Variants in CDK14 observed in about 807,000 individuals in gnomAD.
The protein encoded by CDK14 is cyclin dependent kinase 14, also known as cyclin-dependent kinase 14.
In CDK14, 34 loss-of-function variants were observed where a neutral mutation model predicts 60.7. The observed-to-expected ratio is 0.56, with a 90% CI of 0.43 to 0.75. The LOEUF (loss-of-function observed/expected upper bound fraction) is 0.75, where lower values mean the gene tolerates loss of function less well. Among genes scored for constraint, CDK14 ranks in the 30% least tolerant of loss-of-function variants. The pLI, the probability that CDK14 is intolerant of heterozygous loss-of-function variation, is 0.00. For missense variants in CDK14, 482 were observed against 564.1 expected, an observed-to-expected ratio of 0.85 and a Z score of 1.47; for synonymous variants, 197 against 203.7, an observed-to-expected ratio of 0.97 and a Z score of 0.28.
At chr7:90,739,751 G>C (rs1165406025) in intron 3 of CDK14, among the ~76,000 whole-genome samples, 2 of 152,152 alleles carry the variant, frequency 1.3e-5, no homozygotes, top group Non-Finnish European at 1.5e-5. Flanking sequence ...CAAACACACA[G>C]ACCTCTCATT....
intron 2 of CDK14, among the ~76,000 whole-genome samples, chr7:90,673,179 G>A (rs1345698026): frequency 6.6e-6 from 1 of 152,276 alleles, no homozygotes; most frequent in East Asian, 1.9e-4. Flanking sequence ...ATGCCTAAGG[G>A]ATAGGACTTC....
At chr7:90,922,422 GT>G (rs979367456) in intron 8 of CDK14, among the ~76,000 whole-genome samples, 45 of 148,744 alleles carry the variant, frequency 3.0e-4, no homozygotes, top group Admixed American at 9.4e-4. Context: ...CAAAGAAAGG[GT>G]TTTTTTTTTC....
chr7:91,159,776 G>A lies in CDK14; in HGVS notation c.*28+41568G>A, dbSNP rs1363352124. Among the ~76,000 whole-genome samples, 3 of 152,194 alleles carry A rather than the reference G, an allele frequency of 2.0e-5. No individual in the cohort carries two copies. In the East Asian group the frequency reaches 5.8e-4, roughly 29 times the overall value. ...GACCAAAACTGAGGTTACCAGCCCAGGACAGGAGGTTCCCAATGCGACTTG... is the reference window on the plus strand; with the variant it reads ...GACCAAAACTGAGGTTACCAGCCCAAGACAGGAGGTTCCCAATGCGACTTG... On this transcript the variant is annotated intron_variant, in intron 14 of 14. Transcript: ENST00000380050.
intron 11 of CDK14, among the ~76,000 whole-genome samples, chr7:91,076,371 A>G (rs1250470704): frequency 6.6e-6 from 1 of 151,902 alleles, no homozygotes; most frequent in Non-Finnish European, 1.5e-5. Context: ...CTGATCTTCG[A>G]CAAACCTGAC....
At chr7:91,088,990 G>A (rs577781863) in intron 12 of CDK14, among the ~76,000 whole-genome samples, 2 of 152,088 alleles carry the variant, frequency 1.3e-5, no homozygotes, top group South Asian at 2.1e-4. Context: ...CAAAAGAATC[G>A]ATTTGAAGTA....
chr7:91,062,690 C>T (rs550242766), intron 11 of CDK14, among the ~76,000 whole-genome samples: 1 of 152,238 alleles, frequency 6.6e-6, no homozygotes, highest in African/African-American at 2.4e-5. Context: ...GGTCCTCTCA[C>T]TAGGGAAGGT....
At chr7:90,752,825 C>T (rs1441099495) in intron 4 of CDK14, among the ~76,000 whole-genome samples, 3 of 151,942 alleles carry the variant, frequency 2.0e-5, no homozygotes, top group African/African-American at 7.3e-5. Context: ...ACAGCTGATC[C>T]CATGGAGATA....
chr7:90,644,944 C>T (rs892386609), intron 2 of CDK14, among the ~76,000 whole-genome samples: 1 of 152,186 alleles, frequency 6.6e-6, no homozygotes, highest in East Asian at 1.9e-4. Context: ...TTAGACAAAA[C>T]CTTAAGGTAG....
At position 90,726,660 on chromosome 7, in the gene CDK14, G is replaced by A. The variant is rs879151175; in HGVS notation, c.217G>A (p.Val73Ile). Residue 73 changes from valine (V) to isoleucine (I), a missense_variant, in exon 3 of 15, where the codon GTT becomes ATT. Physicochemically the swap from Val to Ile is conservative, Grantham distance 29 (BLOSUM62 3). Coordinates refer to ENST00000380050, the MANE Select transcript of CDK14 (RefSeq NM_001287135.2). Reference sequence around the variant, plus strand: ...AATTCCTGAGGATAAAAAAGTCAGAGTTCAGAGGACACAGAGCACTTTTGA... The same window carrying A: ...AATTCCTGAGGATAAAAAAGTCAGAATTCAGAGGACACAGAGCACTTTTGA... ...DTIPEDKKVR[V>I]QRTQSTFDPF... is the part of the protein sequence containing the mutation. 2 of 1,613,852 alleles carry A rather than the reference G, an allele frequency of 1.2e-6. No individual in the cohort carries two copies. The highest frequency in any genetic ancestry group is 1.7e-6 in the Non-Finnish European group (2 of 1,179,820).
At chr7:90,663,788 T>A (rs914153112) in intron 2 of CDK14, among the ~76,000 whole-genome samples, 1 of 152,200 alleles carries the variant, frequency 6.6e-6, no homozygotes, top group Non-Finnish European at 1.5e-5. Flanking sequence ...AAATACTGAG[T>A]TTTCAGTGAA....
At chr7:90,664,872 T>C (rs1319851178) in intron 2 of CDK14, among the ~76,000 whole-genome samples, 1 of 152,046 alleles carries the variant, frequency 6.6e-6, no homozygotes, top group African/African-American at 2.4e-5. Context: ...CACACCAACA[T>C]GGCACGTGTA....
At chr7:90,973,004 T>G (rs1410719724) in intron 9 of CDK14, among the ~76,000 whole-genome samples, 2 of 152,186 alleles carry the variant, frequency 1.3e-5, no homozygotes, top group African/African-American at 4.8e-5. Context: ...CTTCAAGTAC[T>G]TTTTTTGGAA....
intron 12 of CDK14, among the ~76,000 whole-genome samples, chr7:91,083,103 C>G (rs917876022): frequency 1.3e-5 from 2 of 151,952 alleles, no homozygotes; most frequent in Non-Finnish European, 2.9e-5. Context: ...TCCCCACTTT[C>G]ACTTTTTTTT....
At chr7:91,157,340 T>C (rs1801014436) in intron 14 of CDK14, among the ~76,000 whole-genome samples, 1 of 152,214 alleles carries the variant, frequency 6.6e-6, no homozygotes, top group African/African-American at 2.4e-5. Flanking sequence ...CAGATTCATG[T>C]AGACCTGGGT....
At chr7:90,822,782 G>A (rs776184071) in intron 5 of CDK14, among the ~76,000 whole-genome samples, 6 of 152,176 alleles carry the variant, frequency 3.9e-5, no homozygotes, top group Non-Finnish European at 7.3e-5. Flanking sequence ...CTAATATCTG[G>A]TGTTGTAATC....
chr7:90,980,308 C>G lies in CDK14; in HGVS notation c.948-3840C>G, dbSNP rs114596870. Among the ~76,000 whole-genome samples, 793 of 152,124 alleles carry G rather than the reference C, an allele frequency of 5.2e-3. 10 individuals are homozygous for G. The highest frequency in any genetic ancestry group is 0.018 in the African/African-American group (761 of 41,524). On this transcript the variant is annotated intron_variant, in intron 9 of 14. Coordinates refer to ENST00000380050, the MANE Select transcript of CDK14 (RefSeq NM_001287135.2). Reference sequence around the variant, plus strand: ...AGTTCTTATTCTTGAAAAATTTAGACTAAGTGGGTGATAATTACATAATTA... The same window carrying G: ...AGTTCTTATTCTTGAAAAATTTAGAGTAAGTGGGTGATAATTACATAATTA...
chr7:90,675,842 T>C (rs1464573913), intron 2 of CDK14, among the ~76,000 whole-genome samples: 1 of 152,216 alleles, frequency 6.6e-6, no homozygotes, highest in Non-Finnish European at 1.5e-5. Context: ...TTTTGCTTAC[T>C]TTTACAAGTT....
intron 2 of CDK14, among the ~76,000 whole-genome samples, chr7:90,612,280 C>CA (rs1189188300): frequency 6.6e-6 from 1 of 152,176 alleles, no homozygotes; most frequent in Admixed American, 6.5e-5. Context: ...TCAGCCTTCC[C>CA]AAAACATCTT....
intron 14 of CDK14, among the ~76,000 whole-genome samples, chr7:91,198,354 G>C (rs1802617124): frequency 2.0e-5 from 3 of 152,182 alleles, no homozygotes; most frequent in Non-Finnish European, 4.4e-5. Flanking sequence ...AATGCTAGCA[G>C]AGTTTACAGG....
Sources: gnomAD v4.1 joint callset for allele counts (sites outside exome capture counted in the v4.1 genomes callset) on GRCh38, gnomAD v4.1.1 for gene constraint, MANE v1.5 for transcripts, NCBI Gene and HGNC (gene_info 2026-07-23, HGNC 2026-07-21) for gene names.